MEGF6: variants seen among roughly 807,000 people sequenced by gnomAD.
MEGF6 encodes the protein multiple epidermal growth factor-like domains protein 6.
MEGF6 carries 184 observed loss-of-function variants against 207.1 expected under a neutral mutation model. The ratio of observed to expected loss-of-function variants is 0.89; its 90% confidence interval spans 0.79 to 1.00. The LOEUF is 1.00. MEGF6 is among the 50% of genes least tolerant of loss of function. The pLI is 0.00. For synonymous variants in MEGF6, 1,038 were observed against 910.0 expected (o/e 1.14, Z -2.53); for missense variants, 2,282 against 2,202.9 (o/e 1.04, Z -0.72).
At chr1:3,606,987 G>A (rs1300354645) in intron 1 of MEGF6, among the ~76,000 whole-genome samples, 1 of 152,046 alleles carries the variant, frequency 6.6e-6, no homozygotes, top group Non-Finnish European at 1.5e-5. Flanking sequence ...TGTGCAGCCT[G>A]GAGTCACTGA....
rs752689393 is a variant in MEGF6, at chr1:3,611,212, C to T, written c.57G>A (p.Val19=). Residue 19 remains valine (V), a synonymous_variant, in exon 1 of 37, where the codon GTG becomes GTA. Transcript: ENST00000356575. ...AAGRAVVLAL[V]LLLLPAVPVG... is the part of the protein sequence containing the mutation. ...CGGGCACGGCGGGGAGCAGCAGCAG[C>T]ACCAACGCCAGGACCACCGCGCGCC... 5.7e-5 allele frequency: 88 copies of T among 1,556,658 alleles called. No individual in the cohort carries two copies. The highest frequency in any genetic ancestry group is 1.8e-4 in the South Asian group (16 of 87,050).
chr1:3,494,877 C>G (rs367713799), intron 30 of MEGF6, 136 bp from the exon 31 acceptor site: 1 of 1,329,598 alleles, frequency 7.5e-7, no homozygotes, highest in Non-Finnish European at 1.0e-6. Context: ...GCCTGCTGGG[C>G]GGGCACATGC....
At chr1:3,597,855 T>A (rs1363081588) in intron 2 of MEGF6, among the ~76,000 whole-genome samples, 1 of 152,196 alleles carries the variant, frequency 6.6e-6, no homozygotes, top group Non-Finnish European at 1.5e-5. Flanking sequence ...CGGGGCTCAC[T>A]GCAGCAGTGG....
intron 3 of MEGF6, among the ~76,000 whole-genome samples, chr1:3,586,948 T>C (rs112222574): frequency 0.015 from 2,329 of 152,322 alleles, 56 homozygotes; most frequent in South Asian, 0.098. Flanking sequence ...TCCAGGGCAG[T>C]GTCCAGCAGC....
At chr1:3,511,394 C>T (rs1056342976) in intron 9 of MEGF6, among the ~76,000 whole-genome samples, 156 bp downstream of exon 9, 2 of 152,176 alleles carry the variant, frequency 1.3e-5, no homozygotes, top group African/African-American at 4.8e-5. Flanking sequence ...CTCTGTCAGA[C>T]CTGCCCTACC....
At chr1:3,544,751 G>C (rs779224308) in intron 4 of MEGF6, among the ~76,000 whole-genome samples, 2 of 152,188 alleles carry the variant, frequency 1.3e-5, no homozygotes, top group Non-Finnish European at 2.9e-5. Flanking sequence ...TGGCCTGGTA[G>C]ACCCAGGGCT....
At position 3,493,048 on chromosome 1, in the gene MEGF6, C is replaced by T. The variant is rs114789946; in HGVS notation, c.4388-281G>A. The T allele has an allele frequency of 2.3e-3, 1,074 of 476,186 alleles. 12 individuals carry two copies. The highest frequency in any genetic ancestry group is 0.019 in the African/African-American group (1,008 of 51,918). 29.5% of individuals were successfully genotyped at this position (476,186 alleles called of 1,614,324 possible). A position where few individuals can be genotyped will look rare whatever the true frequency, so the allele number is the denominator to read the frequency against. Reference sequence around the variant, plus strand: ...TCACCACCGAGTTCCTGCCCCGCCCCAGGAGGGCAAACAGGAGCCAGTGTT... The same window carrying T: ...TCACCACCGAGTTCCTGCCCCGCCCTAGGAGGGCAAACAGGAGCCAGTGTT... On this transcript the variant is annotated intron_variant, in intron 34 of 36. Coordinates refer to ENST00000356575, the MANE Select transcript of MEGF6 (RefSeq NM_001409.4).
intron 28 of MEGF6, 89 bp from the exon 29 acceptor site, chr1:3,496,872 C>T (rs1045338876): frequency 1.3e-6 from 2 of 1,519,666 alleles, no homozygotes; most frequent in African/African-American, 2.8e-5. Context: ...ATGAGACCCC[C>T]ACACCCTCCA....
chr1:3,567,187 C>T (rs867533192), intron 4 of MEGF6, among the ~76,000 whole-genome samples: 3 of 152,186 alleles, frequency 2.0e-5, no homozygotes, highest in South Asian at 2.1e-4. Flanking sequence ...GAGCAGGAGC[C>T]GGGCCACACG....
rs184070859 is a variant in MEGF6, at chr1:3,575,207, C to T, written c.481+4618G>A. ...GGGAAGGGGTGGGGGCATCCATCCA[C>T]GCTTGCCAGAGCAGCGCACACAGGT... is the stretch of plus-strand genomic sequence containing the variant. On this transcript the variant is annotated intron_variant, in intron 4 of 36. Coordinates refer to ENST00000356575, the MANE Select transcript of MEGF6 (RefSeq NM_001409.4). 7.2e-5 allele frequency among the ~76,000 whole-genome samples: 11 copies of T among 152,330 alleles called. No homozygotes were observed. In the East Asian group the frequency reaches 1.3e-3, roughly 19 times the overall value.
At chr1:3,524,908 G>A (rs183567448) in intron 4 of MEGF6, among the ~76,000 whole-genome samples, 4 of 152,276 alleles carry the variant, frequency 2.6e-5, no homozygotes, top group African/African-American at 7.2e-5. Context: ...TTGTGGTGAC[G>A]AGGCTACGGG....
chr1:3,573,273 C>T lies in MEGF6; in HGVS notation c.481+6552G>A, dbSNP rs1403522376. ...TCCTCCCAGGTGTGCTGGGTCCCCC[C>T]GCCAGGTAACCCCTAGTCCTCCTGG... On this transcript the variant is annotated intron_variant, in intron 4 of 36. Transcript: ENST00000356575. The surrounding 1 kb of genome is among the most constrained non-coding windows in gnomAD (Gnocchi z 5.1). Among the ~76,000 whole-genome samples, 12 of 152,182 alleles carry T rather than the reference C, an allele frequency of 7.9e-5. No homozygotes were observed. Among genetic ancestry groups the T allele is most frequent in the African/African-American group, 1.4e-4 (6 of 41,432 alleles).
At chr1:3,581,092 T>C (rs1404782060) in intron 3 of MEGF6, among the ~76,000 whole-genome samples, 2 of 152,102 alleles carry the variant, frequency 1.3e-5, no homozygotes, top group Non-Finnish European at 2.9e-5. Context: ...GAGACTTCAT[T>C]ACCTGGCCTG....
At position 3,501,242 on chromosome 1, in the gene MEGF6, C is replaced by A; in HGVS notation, c.2381G>T (p.Arg794Leu). 6.2e-7 allele frequency: 1 copy of A among 1,610,704 alleles called. No homozygotes were observed. Among genetic ancestry groups the A allele is most frequent in the Non-Finnish European group, 8.5e-7 (1 of 1,179,214 alleles). ...GCAGGCTCCGGTCTCAGGGTCGCAGCGGGCAGCGTGCTGGCATGCTGGGCA... is the reference window on the plus strand; with the variant it reads ...GCAGGCTCCGGTCTCAGGGTCGCAGAGGGCAGCGTGCTGGCATGCTGGGCA... Reference protein sequence around the residue: ...EICPACQHAARCDPETGACLC... With the variant: ...EICPACQHAALCDPETGACLC... Residue 794 changes from arginine to leucine, a missense_variant, in exon 19 of 37, where the codon CGC (arginine) becomes CTC (leucine). Transcript: ENST00000356575.
intron 8 of MEGF6, 101 bp from the exon 9 acceptor site, chr1:3,511,788 G>C: frequency 1.3e-6 from 2 of 1,520,320 alleles, no homozygotes; most frequent in Non-Finnish European, 1.8e-6. Flanking sequence ...CCTCGGGCCT[G>C]GGGACACCCG....
intron 4 of MEGF6, among the ~76,000 whole-genome samples, chr1:3,542,053 G>A (rs954520519): frequency 1.3e-5 from 2 of 152,212 alleles, no homozygotes; most frequent in African/African-American, 2.4e-5. Flanking sequence ...GAAGGCGCCT[G>A]CTTCCGCCCA....
chr1:3,503,352 A>G (rs1640976720), intron 17 of MEGF6, among the ~76,000 whole-genome samples: 1 of 151,690 alleles, frequency 6.6e-6, no homozygotes, highest in South Asian at 2.1e-4. Context: ...TCCAGACCCA[A>G]CAAGAGGGGA....
In MEGF6 at chr1:3,490,879, G is replaced by A. The variant is rs768016226; in HGVS notation, c.4564+33C>T. The A allele has an allele frequency of 7.7e-6, 12 of 1,565,286 alleles. No homozygotes were observed. In the East Asian group the frequency reaches 9.5e-5, roughly 12 times the overall value. The stretch of plus-strand genomic sequence containing the variant: ...TGACTTTGCCATAACCCACCCTCCT[G>A]GCAAGCCCACGGGCATTCCCCACAC... On this transcript the variant is annotated intron_variant, in intron 36 of 36. Transcript: ENST00000356575.
intron 4 of MEGF6, among the ~76,000 whole-genome samples, chr1:3,527,342 G>A (rs958935334): frequency 2.6e-5 from 4 of 152,200 alleles, no homozygotes; most frequent in African/African-American, 9.6e-5. Context: ...GCCCATCCAC[G>A]CTCTGAGAAT....
Sources: allele counts gnomAD v4.1 joint callset (sites outside exome capture counted in the v4.1 genomes callset), GRCh38; gene constraint gnomAD v4.1.1; non-coding constraint Gnocchi (gnomAD v3.1); transcripts MANE v1.5; gene names NCBI Gene and HGNC (gene_info 2026-07-23, HGNC 2026-07-21).